Variants in PTOV1 observed in about 807,000 individuals in gnomAD.
PTOV1 encodes the protein prostate tumor-overexpressed gene 1 protein.
Under a neutral mutation model 58.0 loss-of-function variants are expected in PTOV1, and 20 were observed. The ratio of observed to expected loss-of-function variants is 0.34; its 90% CI spans 0.24 to 0.50. The LOEUF (loss-of-function observed/expected upper bound fraction) is 0.50, where lower values mean the gene tolerates loss of function less well. PTOV1 is among the 20% of genes least tolerant of loss of function. The pLI, the probability that PTOV1 is intolerant of heterozygous loss-of-function variation, is 0.98. For synonymous variants in PTOV1, 335 were observed against 234.2 expected (o/e 1.43, Z -3.93); for missense variants, 593 against 565.4 (o/e 1.05, Z -0.50).
chr19:49,858,259 C>A, intron 9 of PTOV1, 145 bp downstream of exon 9: 2 of 1,099,702 alleles, frequency 1.8e-6, no homozygotes, highest in Non-Finnish European at 2.6e-6. Flanking sequence ...TGGTGGGTAG[C>A]TCCTCAGGCT....
chr19:49,853,673 G>A (rs1028150708), intron 1 of PTOV1, among the ~76,000 whole-genome samples: 3 of 152,078 alleles, frequency 2.0e-5, no homozygotes, highest in African/African-American at 7.2e-5. Context: ...CATTTGTGGC[G>A]TTGCTTGGCT....
chr19:49,852,908 CAG>C (rs2074308984), intron 1 of PTOV1: 1 of 152,244 alleles, frequency 6.6e-6, no homozygotes, highest in Non-Finnish European at 1.5e-5. Context: ...TAACTCATCT[CAG>C]ATGCTGGATG....
chr19:49,860,226 C>G (rs1323515376), intron 11 of PTOV1, 42 bp from the exon 12 acceptor site: 1 of 1,613,724 alleles, frequency 6.2e-7, no homozygotes, highest in Non-Finnish European at 8.5e-7. Context: ...TCCCTCCACC[C>G]CCGCTGCCTG....
At chr19:49,854,309 G>T (rs1010702787) in intron 1 of PTOV1, 97 bp from the exon 2 acceptor site, 3 of 1,481,738 alleles carry the variant, frequency 2.0e-6, no homozygotes, top group Admixed American at 4.1e-5. Flanking sequence ...GGGATTTGGG[G>T]CTGAATATTG....
rs1038931179 is a variant in PTOV1 at position 49,852,193 on chromosome 19, T to A, written c.171+694T>A. 6.7e-6 allele frequency: 4 copies of A among 595,086 alleles called. No individual in the cohort carries two copies. In the African/African-American group the frequency reaches 8.1e-5, roughly 12 times the overall value. The allele number at this position is 595,086 out of a possible 1,614,324, so 36.9% of individuals were successfully genotyped here. On this transcript the variant is annotated intron_variant, in intron 1 of 11. Transcript: ENST00000391842. ...TGCACCGTGCACACGCTTGCCCCGA[T>A]GTGAGATTTCCCCTGGGTTCGCGCT...
At chr19:49,851,476 C>T in exon 1 of PTOV1, 1 of 1,221,076 alleles carries the variant, frequency 8.2e-7, no homozygotes, top group Non-Finnish European at 1.0e-6. Flanking sequence ...TCCGCGGATC[C>T]GGGCCCGCTC....
At position 49,858,836 on chromosome 19, in the gene PTOV1, C is replaced by T. The variant is rs1280684821; in HGVS notation, c.1041+183C>T. 16 of 576,382 alleles carry T rather than the reference C, an allele frequency of 2.8e-5. No homozygotes were observed. The East Asian group carries it at 4.2e-4, about 15-fold the overall frequency. The allele number at this position is 576,382 out of a possible 1,614,324, so 35.7% of individuals were successfully genotyped here. A position where few individuals can be genotyped will look rare whatever the true frequency, so the allele number is the denominator to read the frequency against. ...GCTGTCCCCACGGCACTGGATGGGG[C>T]ACTGACCCTGGTTCTGCGGGGGCCT... On this transcript the variant is annotated intron_variant, in intron 10 of 11. Coordinates refer to ENST00000391842, the Ensembl canonical transcript of PTOV1.
chr19:49,860,099 C>G, exon 11 of PTOV1: 2 of 1,614,236 alleles, frequency 1.2e-6, no homozygotes, highest in Non-Finnish European at 1.7e-6. Flanking sequence ...ACCAGGGCAA[C>G]TTTGTCAACG....
At chr19:49,860,705 C>A in exon 12 of PTOV1, 1 of 345,014 alleles carries the variant, frequency 2.9e-6, no homozygotes, top group Non-Finnish European at 5.3e-6. Flanking sequence ...CGGTCCCCAC[C>A]CCTCTACGTT....
intron 10 of PTOV1, among the ~76,000 whole-genome samples, chr19:49,859,446 C>T (rs2074643764): frequency 6.6e-6 from 1 of 150,658 alleles, no homozygotes; most frequent in African/African-American, 2.5e-5. Flanking sequence ...CAAAAATTAG[C>T]CAGGCATGAT....
exon 11 of PTOV1, chr19:49,860,047 A>G: frequency 1.9e-6 from 3 of 1,614,032 alleles, no homozygotes; most frequent in Non-Finnish European, 2.5e-6. Context: ...ATGCTCCTGT[A>G]CTCTTCAGAG....
chr19:49,854,370 C>T, intron 1 of PTOV1, 36 bp from the exon 2 acceptor site: 11 of 1,586,528 alleles, frequency 6.9e-6, no homozygotes, highest in Non-Finnish European at 9.5e-6. Context: ...CAGGCCCCGG[C>T]CTCAGTTTTC....
At chr19:49,855,341 G>C in intron 5 of PTOV1, 1 of 514,392 alleles carries the variant, frequency 1.9e-6, no homozygotes, top group East Asian at 3.5e-5. Flanking sequence ...TGCAGGGAGG[G>C]ACTGGGGCCA....
intron 6 of PTOV1, 61 bp downstream of exon 6, chr19:49,857,191 T>C: frequency 6.3e-7 from 1 of 1,588,894 alleles, no homozygotes; most frequent in Non-Finnish European, 8.6e-7. Flanking sequence ...ACTGCCCTGG[T>C]TGGGCAGCCA....
In PTOV1 at chr19:49,854,908, C is replaced by T. The variant is rs773837193; in HGVS notation, c.450+20C>T. On this transcript the variant is annotated intron_variant, in intron 4 of 11. Coordinates refer to ENST00000391842, the Ensembl canonical transcript of PTOV1. ...CTGCTGGTGAGACCCGCCCCTCCCACCCCATCCACTCTGAGCACCCCCATG... is the reference window on the plus strand; with the variant it reads ...CTGCTGGTGAGACCCGCCCCTCCCATCCCATCCACTCTGAGCACCCCCATG... The T allele has an allele frequency of 2.1e-5, 34 of 1,607,586 alleles. No individual in the cohort carries two copies. The highest frequency in any genetic ancestry group is 2.6e-5 in the Non-Finnish European group (31 of 1,177,286).
At chr19:49,854,356 C>G in intron 1 of PTOV1, 50 bp from the exon 2 acceptor site, 7 of 1,574,098 alleles carry the variant, frequency 4.4e-6, no homozygotes, top group African/African-American at 2.7e-5. Context: ...ACTGCCTGTC[C>G]TTGCAGGCCC....
At chr19:49,851,092 C>T (rs997857283), upstream of PTOV1, 1 of 1,429,002 alleles carries the variant, frequency 7.0e-7, no homozygotes, top group African/African-American at 1.5e-5. Context: ...CCCCGCGCCG[C>T]CTTGGTACGC....
exon 1 of PTOV1, chr19:49,851,204 G>A (rs2074228707): frequency 8.3e-7 from 1 of 1,201,756 alleles, no homozygotes. Flanking sequence ...CGTCCCCCGA[G>A]CTTGGTACGG....
chr19:49,857,812 A>AG (rs1458971002), intron 7 of PTOV1, 30 bp downstream of exon 7: 1 of 1,612,960 alleles, frequency 6.2e-7, no homozygotes, highest in Non-Finnish European at 8.5e-7. Context: ...GGGACTTGGG[A>AG]CCCCCAGATC....
Sources: gnomAD v4.1 joint callset for allele counts (sites outside exome capture counted in the v4.1 genomes callset) on GRCh38, gnomAD v4.1.1 for gene constraint, MANE v1.5 for transcripts, NCBI Gene and HGNC (gene_info 2026-07-23, HGNC 2026-07-21) for gene names.